The following DNAH5 variants were observed in gnomAD, a reference collection of about 807,000 sequenced individuals.
The protein encoded by DNAH5 is axonemal beta dynein heavy chain 5.
DNAH5 carries 372 observed loss-of-function variants against 518.2 expected under a neutral mutation model. The ratio of observed to expected loss-of-function variants is 0.72; its 90% CI spans 0.66 to 0.78. The LOEUF (loss-of-function observed/expected upper bound fraction) is 0.78. Ranked by LOEUF, DNAH5 falls within the 30% of genes least tolerant of loss-of-function variation. DNAH5 has a pLI of 0.00. For synonymous variants in DNAH5, 2,039 were observed against 2,025.9 expected (o/e 1.01, Z -0.17); for missense variants, 5,523 against 5,687.0 (o/e 0.97, Z 0.93).
At chr5:13,979,150 TC>T (rs1372127795) in intron 1 of DNAH5, among the ~76,000 whole-genome samples, 1 of 152,066 alleles carries the variant, frequency 6.6e-6, no homozygotes, top group Admixed American at 6.6e-5. Flanking sequence ...GCTTTCCGGC[TC>T]ACTGTTCCCT....
At chr5:13,853,366 G>A (rs1234414509) in intron 30 of DNAH5, among the ~76,000 whole-genome samples, 1 of 152,086 alleles carries the variant, frequency 6.6e-6, no homozygotes, top group Non-Finnish European at 1.5e-5. Context: ...CCATCCGAAG[G>A]TCACCAACAG....
Position 13,707,025 on chromosome 5 carries a change from G to A in DNAH5, c.13338+1098C>T, listed in dbSNP as rs757192444. On this transcript the variant is annotated intron_variant, in intron 76 of 78. Coordinates refer to ENST00000265104, the MANE Select transcript of DNAH5 (RefSeq NM_001369.3). This position sits in a 1 kb window ranked among gnomAD's most constrained non-coding sequence, Gnocchi z 4.0. ...AGACCACTCTGGCCCACCATGCCCC[G>A]CATCCTGTGCCCATATAAACCCAAG... Among the ~76,000 whole-genome samples the A allele has an allele frequency of 3.9e-5, 6 of 152,110 alleles. No individual in the cohort carries two copies. Among genetic ancestry groups the A allele is most frequent in the South Asian group, 2.1e-4 (1 of 4,834 alleles).
rs563011990 is a variant in DNAH5 at position 13,715,036 on chromosome 5, G to A, written c.12910-416C>T. On this transcript the variant is annotated intron_variant, in intron 74 of 78. Coordinates refer to ENST00000265104, the MANE Select transcript of DNAH5 (RefSeq NM_001369.3). Reference sequence around the variant, plus strand: ...AGGAAATGACAGCTTTAGTAATCGTGGTCCAAATAAAGGCAGCACGTGGGA... The same window carrying A: ...AGGAAATGACAGCTTTAGTAATCGTAGTCCAAATAAAGGCAGCACGTGGGA... Among the ~76,000 whole-genome samples, 3 of 152,162 alleles carry A rather than the reference G, an allele frequency of 2.0e-5. No homozygotes were observed. In the South Asian group the frequency reaches 6.2e-4, roughly 32 times the overall value.
chr5:13,921,826 TG>T (rs1381357758), intron 5 of DNAH5, among the ~76,000 whole-genome samples: 1 of 151,740 alleles, frequency 6.6e-6, no homozygotes, highest in African/African-American at 2.4e-5. Context: ...CAAGCATTTC[TG>T]ACTCTTGCCT....
In DNAH5 at chr5:13,829,945, C is replaced by T. The variant is rs188277739; in HGVS notation, c.6249+81G>A. The T allele has an allele frequency of 2.9e-4, 345 of 1,203,710 alleles. 3 individuals carry two copies. The African/African-American group carries it at 4.2e-3, about 15-fold the overall frequency. 74.6% of individuals were successfully genotyped at this position (1,203,710 alleles called of 1,614,324 possible). A position where few individuals can be genotyped will look rare whatever the true frequency, so the allele number is the denominator to read the frequency against. Reference sequence around the variant, plus strand: ...CAATCCCAATTTCCATTCAGGAAAACAGATGACATATGACCAGGGAGATGC... The same window carrying T: ...CAATCCCAATTTCCATTCAGGAAAATAGATGACATATGACCAGGGAGATGC... On this transcript the variant is annotated intron_variant, in intron 37 of 78. Coordinates refer to ENST00000265104, the MANE Select transcript of DNAH5 (RefSeq NM_001369.3).
intron 11 of DNAH5, 110 bp from the exon 12 acceptor site, chr5:13,911,603 G>A (rs1776004533): frequency 4.7e-6 from 4 of 859,022 alleles, no homozygotes; most frequent in Non-Finnish European, 7.2e-6. Context: ...AAAAAAATAA[G>A]TTTAAAGGAA....
In DNAH5 at chr5:13,847,203, G is replaced by GGGT. The variant is rs529641908; in HGVS notation, c.5115-2213_5115-2211dup. ...CATGCTGATCCTCGACAGCTTGGGA[G>GGGT]GGTGTTGTTTTTGTATAAATATGAT... On this transcript the variant is annotated intron_variant, in intron 31 of 78. Coordinates refer to ENST00000265104, the MANE Select transcript of DNAH5 (RefSeq NM_001369.3). Among the ~76,000 whole-genome samples the GGGT allele has an allele frequency of 7.9e-5, 12 of 151,558 alleles. No individual in the cohort carries two copies. In the East Asian group the frequency reaches 2.3e-3, roughly 29 times the overall value.
chr5:13,769,373 G>A (rs1048909704), intron 57 of DNAH5, 128 bp downstream of exon 57: 6 of 945,952 alleles, frequency 6.3e-6, no homozygotes, highest in Non-Finnish European at 1.0e-5. Flanking sequence ...ATAAAATTAA[G>A]AGTATTTTAT....
rs886059971 is a variant in DNAH5 at position 13,752,179 on chromosome 5, A to T, written c.10983T>A (p.Asp3661Glu). ...TAATGAAGTTTCTTTCCAAAACATTATCTAGTGCTGGATCTAGTTCCTCTC... is the reference window on the plus strand; with the variant it reads ...TAATGAAGTTTCTTTCCAAAACATTTTCTAGTGCTGGATCTAGTTCCTCTC... ...DVGEELDPAL[D>E]NVLERNFIKT... Residue 3661 changes from aspartate (D) to glutamate (E), a missense_variant, in exon 64 of 79, where the codon GAT becomes GAA. Coordinates refer to ENST00000265104, the MANE Select transcript of DNAH5 (RefSeq NM_001369.3). The T allele has an allele frequency of 1.9e-6, 3 of 1,614,024 alleles. No individual in the cohort carries two copies. The highest frequency in any genetic ancestry group is 1.7e-6 in the Non-Finnish European group (2 of 1,179,954).
chr5:13,746,202 T>G (rs1250960791), intron 65 of DNAH5, among the ~76,000 whole-genome samples: 1 of 152,102 alleles, frequency 6.6e-6, no homozygotes, highest in Non-Finnish European at 1.5e-5. Flanking sequence ...TAATGATGTT[T>G]GCAGTTTGGA....
At chr5:13,720,944 A>T (rs538417843) in intron 71 of DNAH5, 56 bp downstream of exon 71, 3 of 1,610,966 alleles carry the variant, frequency 1.9e-6, no homozygotes, top group African/African-American at 1.3e-5. Flanking sequence ...CTGCATTGCT[A>T]TTCTATAACC....
At position 13,922,273 on chromosome 5, in the gene DNAH5, C is replaced by T; in HGVS notation, c.494G>A (p.Arg165Lys). The T allele has an allele frequency of 6.2e-7, 1 of 1,614,162 alleles. No homozygotes were observed. The highest frequency in any genetic ancestry group is 2.2e-5 in the East Asian group (1 of 44,858). ...AADGGLLNSV[R>K]RLLSDIFIPA... ...AATGAAGATGTCCGACAGCAAACGTCTCACACTGTTGAGCAGGCCTCCATC... is the reference window on the plus strand; with the variant it reads ...AATGAAGATGTCCGACAGCAAACGTTTCACACTGTTGAGCAGGCCTCCATC... Residue 165 changes from arginine to lysine, a missense_variant, in exon 5 of 79, where the codon AGA becomes AAA. Physicochemically the swap from Arg to Lys is conservative, Grantham distance 26. Around this residue, in one of 3 missense-constraint regions of DNAH5, gnomAD observed 5,121 missense variants for 5,223.3 expected, o/e 0.98. Transcript: ENST00000265104.
intron 1 of DNAH5, among the ~76,000 whole-genome samples, chr5:14,008,089 T>C (rs1301966556): frequency 1.3e-5 from 2 of 151,264 alleles, no homozygotes; most frequent in Admixed American, 1.3e-4. Context: ...GGAAAATCAC[T>C]TGAACCCAGG....
intron 1 of DNAH5, among the ~76,000 whole-genome samples, chr5:14,003,825 G>A (rs946631275): frequency 6.6e-6 from 1 of 152,212 alleles, no homozygotes; most frequent in Non-Finnish European, 1.5e-5. Flanking sequence ...CCACCCTGCT[G>A]GGAGCAGGCC....
intron 1 of DNAH5, among the ~76,000 whole-genome samples, chr5:13,976,321 TAAAC>T (rs1254919276): frequency 5.3e-5 from 8 of 152,170 alleles, no homozygotes; most frequent in Non-Finnish European, 1.0e-4. Flanking sequence ...ATTCCAGAAA[TAAAC>T]AATCCGTAAG....
chr5:13,784,348 C>T (rs765840428), intron 52 of DNAH5, among the ~76,000 whole-genome samples: 43 of 152,156 alleles, frequency 2.8e-4, no homozygotes, highest in Admixed American at 5.9e-4. Flanking sequence ...AAATTAAGAG[C>T]GAATTTCAAA....
At chr5:13,911,152 CAT>C (rs1775940950) in intron 12 of DNAH5, among the ~76,000 whole-genome samples, 1 of 152,194 alleles carries the variant, frequency 6.6e-6, no homozygotes, top group African/African-American at 2.4e-5. Flanking sequence ...CAATGGAAGA[CAT>C]GTGGAAGTCT....
At chr5:13,819,834 G>T (rs960890950) in intron 41 of DNAH5, among the ~76,000 whole-genome samples, 13 of 152,164 alleles carry the variant, frequency 8.5e-5, no homozygotes, top group African/African-American at 3.1e-4. Flanking sequence ...ATTTATGATT[G>T]GGATTGGGAT....
Position 13,809,259 on chromosome 5 carries a change from T to G in DNAH5, c.7610-73A>C, listed in dbSNP as rs138747099. 5.3e-5 allele frequency: 82 copies of G among 1,549,248 alleles called. 1 individual carries two copies. The East Asian group carries it at 1.3e-3, about 24-fold the overall frequency. On this transcript the variant is annotated intron_variant, in intron 45 of 78. Coordinates refer to ENST00000265104, the MANE Select transcript of DNAH5 (RefSeq NM_001369.3). ...CCGAACTGTAATGAGCAGACATCCT[T>G]GAAATCTTATGAGGTCACCTTCCAA...
Sources: allele counts gnomAD v4.1 joint callset (sites outside exome capture counted in the v4.1 genomes callset), GRCh38; gene constraint gnomAD v4.1.1; regional missense constraint gnomAD v4.1.1; non-coding constraint Gnocchi (gnomAD v3.1); transcripts MANE v1.5; gene names NCBI Gene and HGNC (gene_info 2026-07-23, HGNC 2026-07-21).